Variants in DOCK9 observed in about 807,000 individuals in gnomAD.
DOCK9 encodes the protein dedicator of cytokinesis protein 9.
DOCK9 carries 89 observed loss-of-function variants against 263.3 expected under a neutral mutation model. The observed-to-expected ratio is 0.34, with a 90% CI of 0.28 to 0.40. DOCK9 has a LOEUF of 0.40. DOCK9 is among the 10% of genes least tolerant of loss of function. DOCK9 has a pLI of 1.00. For synonymous variants in DOCK9, 976 were observed against 973.1 expected (o/e 1.00, Z -0.06); for missense variants, 2,140 against 2,603.4 (o/e 0.82, Z 3.87).
exon 1 of DOCK9, chr13:99,086,279 T>C (rs1375772619): frequency 6.7e-7 from 1 of 1,496,168 alleles, no homozygotes; most frequent in Non-Finnish European, 8.9e-7. Flanking sequence ...TCGGCCGCCG[T>C]GCCCGGCTTA....
At chr13:98,811,603 G>A (rs2091305127) in intron 45 of DOCK9, among the ~76,000 whole-genome samples, 1 of 152,128 alleles carries the variant, frequency 6.6e-6, no homozygotes, top group Admixed American at 6.5e-5. Context: ...GTAGAGATGG[G>A]GTTTTGCCAT....
chr13:98,860,906 G>A (rs112062308), intron 32 of DOCK9, among the ~76,000 whole-genome samples: 15 of 152,246 alleles, frequency 9.9e-5, no homozygotes, highest in Non-Finnish European at 1.9e-4. Flanking sequence ...CTGGAATGCT[G>A]GCTTTTATCT....
chr13:98,962,640 A>T (rs551681424), intron 1 of DOCK9, among the ~76,000 whole-genome samples: 34 of 150,526 alleles, frequency 2.3e-4, no homozygotes, highest in African/African-American at 4.9e-4. Context: ...TAGGTTTTAA[A>T]AAAAAAAAAA....
chr13:98,875,797 G>T (rs2043733083), intron 27 of DOCK9, among the ~76,000 whole-genome samples: 1 of 152,150 alleles, frequency 6.6e-6, no homozygotes, highest in Non-Finnish European at 1.5e-5. Context: ...TCCATACTTT[G>T]CAGGTCCATC....
rs1424313659 is a variant in DOCK9, at chr13:98,901,844, T to C, written c.1437A>G (p.Glu479=). ...GTGTGATGCTCCCCTGAAGGACTTT[T>C]TCAATTCTGGCCACAAGAAATATAT... ...HPDIFLVARI[E]KVLQGSITHC... The change falls in exon 13 of 53, where the codon GAA becomes GAG. Residue 479 remains glutamate (E), a synonymous_variant. Coordinates refer to ENST00000682017, the MANE Select transcript of DOCK9 (RefSeq NM_001366683.2). The C allele has an allele frequency of 2.5e-6, 4 of 1,612,968 alleles. No homozygotes were observed. Among genetic ancestry groups the C allele is most frequent in the Non-Finnish European group, 3.4e-6 (4 of 1,179,426 alleles).
chr13:98,993,533 C>T (rs904069432), intron 1 of DOCK9, among the ~76,000 whole-genome samples: 1 of 152,190 alleles, frequency 6.6e-6, no homozygotes, highest in African/African-American at 2.4e-5. Flanking sequence ...AAAGGAAAGA[C>T]TGATGGGCTT....
At chr13:98,892,265 C>A (rs1398018795) in intron 15 of DOCK9, among the ~76,000 whole-genome samples, 2 of 152,132 alleles carry the variant, frequency 1.3e-5, no homozygotes, top group Non-Finnish European at 2.9e-5. Context: ...CTCAACAATT[C>A]CCACAGAGGA....
chr13:98,806,006 C>T (rs1166991946), intron 48 of DOCK9, among the ~76,000 whole-genome samples: 6 of 152,142 alleles, frequency 3.9e-5, no homozygotes, highest in South Asian at 2.1e-4. Flanking sequence ...GTGATCCGCC[C>T]GCCTTGGCCT....
intron 1 of DOCK9, among the ~76,000 whole-genome samples, chr13:99,046,408 G>A (rs17724332): frequency 0.3 from 45,003 of 152,190 alleles, 8,490 homozygotes; most frequent in Non-Finnish European, 0.41. Flanking sequence ...GAGATTAACA[G>A]AGGAAGTAGT....
rs773827419 is a variant in DOCK9, at chr13:98,794,690, G to T, written c.6215C>A (p.Ala2072Asp). The T allele has an allele frequency of 6.2e-7, 1 of 1,613,918 alleles. No homozygotes were observed. Residue 2072 changes from alanine to aspartate, a missense_variant, in exon 53 of 53, where the codon GCC becomes GAC. Physicochemically the swap from Ala to Asp is moderately radical, Grantham distance 126. Coordinates refer to ENST00000682017, the MANE Select transcript of DOCK9 (RefSeq NM_001366683.2). ...TGTGCTTGTTGGAGTCCCACTGATG[G>T]CGTTGAAGATGTGAAGGGAATTCGG... ...VLPNSLHIFNAISGTPTSTMV... is the reference protein window; with the variant it reads ...VLPNSLHIFNDISGTPTSTMV...
chr13:98,951,910 T>C (rs2057466780), intron 2 of DOCK9, among the ~76,000 whole-genome samples: 1 of 150,978 alleles, frequency 6.6e-6, no homozygotes, highest in Non-Finnish European at 1.5e-5. Flanking sequence ...TCCCTTTTTT[T>C]TTTTGAGATG....
At chr13:98,948,270 G>A (rs1179951172) in intron 2 of DOCK9, among the ~76,000 whole-genome samples, 1 of 152,170 alleles carries the variant, frequency 6.6e-6, no homozygotes, top group African/African-American at 2.4e-5. Context: ...AACACTCTAG[G>A]ATTCTCCTGT....
intron 1 of DOCK9, among the ~76,000 whole-genome samples, chr13:99,038,303 T>C (rs1364728607): frequency 7.7e-6 from 1 of 129,890 alleles, no homozygotes; most frequent in East Asian, 2.3e-4. Context: ...TTTTTTTTTT[T>C]TTTTTTTTTT....
chr13:98,859,013 T>G (rs946824432), intron 33 of DOCK9: 1 of 152,254 alleles, frequency 6.6e-6, no homozygotes, highest in Non-Finnish European at 1.5e-5. Flanking sequence ...ACGACCGTTT[T>G]GAAGACATGG....
chr13:99,077,228 ATC>A (rs1199682774), intron 1 of DOCK9, among the ~76,000 whole-genome samples: 1 of 152,212 alleles, frequency 6.6e-6, no homozygotes, highest in Non-Finnish European at 1.5e-5. Flanking sequence ...GAAGGATCCT[ATC>A]CCCTATGATA....
intron 1 of DOCK9, among the ~76,000 whole-genome samples, chr13:98,972,655 G>A (rs2059857074): frequency 6.6e-6 from 1 of 152,166 alleles, no homozygotes; most frequent in Non-Finnish European, 1.5e-5. Context: ...GAACAGTTAG[G>A]GGTTCGGCCT....
intron 41 of DOCK9, among the ~76,000 whole-genome samples, chr13:98,830,306 A>G (rs1235467780): frequency 6.6e-6 from 1 of 152,080 alleles, no homozygotes; most frequent in Non-Finnish European, 1.5e-5. Context: ...CCCAGTTACA[A>G]TCAGTCACCA....
At chr13:99,051,550 C>T (rs2040695971) in intron 1 of DOCK9, among the ~76,000 whole-genome samples, 1 of 152,016 alleles carries the variant, frequency 6.6e-6, no homozygotes, top group Non-Finnish European at 1.5e-5. Flanking sequence ...TTTCAATACC[C>T]AGAACTTAAG....
intron 1 of DOCK9, among the ~76,000 whole-genome samples, chr13:99,001,654 G>C (rs556716162): frequency 6.6e-6 from 1 of 152,314 alleles, no homozygotes; most frequent in South Asian, 2.1e-4. Context: ...ATGGCTGAGA[G>C]AGGAGGACTT....
Sources: allele counts gnomAD v4.1 joint callset (sites outside exome capture counted in the v4.1 genomes callset), GRCh38; gene constraint gnomAD v4.1.1; transcripts MANE v1.5; gene names NCBI Gene and HGNC (gene_info 2026-07-23, HGNC 2026-07-21).